Variants in ALPK2 observed in about 807,000 individuals in gnomAD.
ALPK2 encodes alpha-protein kinase 2.
In ALPK2, 127 loss-of-function variants were observed where a neutral mutation model predicts 163.1. The observed-to-expected ratio is 0.78, with a 90% CI of 0.67 to 0.90. The LOEUF (loss-of-function observed/expected upper bound fraction) is 0.90, where lower values mean the gene tolerates loss of function less well. Among genes scored for constraint, ALPK2 ranks in the 40% least tolerant of loss-of-function variants. The pLI, the probability that ALPK2 is intolerant of heterozygous loss-of-function variation, is 0.00. For synonymous variants in ALPK2, 953 were observed against 959.1 expected (o/e 0.99, Z 0.12); for missense variants, 2,360 against 2,589.6 (o/e 0.91, Z 1.92).
chr18:58,485,736 A>G (rs2144094098), intron 12 of ALPK2, among the ~76,000 whole-genome samples: 1 of 152,306 alleles, frequency 6.6e-6, no homozygotes, highest in East Asian at 1.9e-4. Context: ...CTCCCTGGTG[A>G]GACGCAGGGC....
At chr18:58,563,807 A>G (rs2051837020) in intron 4 of ALPK2, among the ~76,000 whole-genome samples, 1 of 152,196 alleles carries the variant, frequency 6.6e-6, no homozygotes, top group Non-Finnish European at 1.5e-5. Flanking sequence ...CCATGCTACA[A>G]TGAAAAGACT....
chr18:58,565,015 T>A (rs898715362), intron 4 of ALPK2, among the ~76,000 whole-genome samples: 1 of 152,228 alleles, frequency 6.6e-6, no homozygotes, highest in African/African-American at 2.4e-5. Flanking sequence ...TATATATGTA[T>A]ATACAAATAA....
At chr18:58,596,989 TA>T (rs1395949710) in intron 3 of ALPK2, among the ~76,000 whole-genome samples, 5 of 149,900 alleles carry the variant, frequency 3.3e-5, no homozygotes, top group South Asian at 2.1e-4. Context: ...CCAAGCTAAT[TA>T]AAAAAAAACA....
chr18:58,540,388 T>G (rs2051683976), intron 4 of ALPK2, among the ~76,000 whole-genome samples: 1 of 152,238 alleles, frequency 6.6e-6, no homozygotes, highest in Admixed American at 6.5e-5. Flanking sequence ...TTATTCCCTT[T>G]CTATATCCCT....
chr18:58,553,055 T>C (rs545914664), intron 4 of ALPK2, among the ~76,000 whole-genome samples: 59 of 151,948 alleles, frequency 3.9e-4, no homozygotes, highest in South Asian at 1.0e-3. Context: ...GAGGCAGAGA[T>C]TGGATTAATG....
intron 1 of ALPK2, among the ~76,000 whole-genome samples, chr18:58,625,429 C>G (rs1005471160): frequency 6.6e-6 from 1 of 152,204 alleles, no homozygotes; most frequent in African/African-American, 2.4e-5. Flanking sequence ...GAACTGCAGG[C>G]CGAAGAAATG....
chr18:58,485,143 C>T (rs73443169), intron 12 of ALPK2, among the ~76,000 whole-genome samples: 6,268 of 152,282 alleles, frequency 0.041, 397 homozygotes, highest in African/African-American at 0.14. Flanking sequence ...AAATTGCACA[C>T]GCATGAAACC....
intron 3 of ALPK2, among the ~76,000 whole-genome samples, chr18:58,606,905 C>T (rs1336413593): frequency 5.3e-5 from 8 of 152,218 alleles, no homozygotes; most frequent in African/African-American, 1.4e-4. Flanking sequence ...GGTTTCTAGC[C>T]TGAACTCCAC....
chr18:58,582,412 C>T (rs148017563), intron 3 of ALPK2, among the ~76,000 whole-genome samples: 48 of 152,232 alleles, frequency 3.2e-4, no homozygotes, highest in African/African-American at 1.1e-3. Flanking sequence ...GATCTCAAAG[C>T]CATTCTGATG....
At chr18:58,552,660 A>T (rs1210234990) in intron 4 of ALPK2, among the ~76,000 whole-genome samples, 6 of 152,218 alleles carry the variant, frequency 3.9e-5, no homozygotes, top group Non-Finnish European at 7.4e-5. Flanking sequence ...CGCCAGACAA[A>T]GTCTCTGTCT....
Position 58,529,127 on chromosome 18 carries a change from G to T in ALPK2, c.5465C>A (p.Thr1822Lys), listed in dbSNP as rs755516510. ...EIHEDSTICW[T>K]KDSKSIAQVQ... is the part of the protein sequence containing the mutation. ...TTGGGCTATGGACTTTGAATCTTTT[G>T]TCCAGCAGATAGTAGAATCTTCATG... The change falls in exon 6 of 13, where the codon ACA becomes AAA. Residue 1822 changes from threonine to lysine, a missense_variant. Coordinates refer to ENST00000361673, the MANE Select transcript of ALPK2 (RefSeq NM_052947.4). The T allele has an allele frequency of 8.7e-6, 14 of 1,613,958 alleles. No individual in the cohort carries two copies. Among genetic ancestry groups the T allele is most frequent in the African/African-American group, 1.3e-5 (1 of 74,914 alleles).
chr18:58,522,932 A>G, intron 8 of ALPK2, among the ~76,000 whole-genome samples: 1 of 150,758 alleles, frequency 6.6e-6, no homozygotes, highest in Non-Finnish European at 1.5e-5. Context: ...TTTTTTTTTA[A>G]TTATACTTTT....
rs2051655423 is a variant in ALPK2, at chr18:58,537,213, ATGT to A, written c.2971_2973del (p.Thr991del). The A allele has an allele frequency of 6.2e-7, 1 of 1,614,140 alleles. No homozygotes were observed. Among genetic ancestry groups the A allele is most frequent in the African/African-American group, 1.3e-5 (1 of 75,048 alleles). ...TGAAAGCACTCATTATTAGCAGTTAATGTTGTTGGCTTCTCCCAAGGAAAACTC... is the reference window on the plus strand; with the variant it reads ...TGAAAGCACTCATTATTAGCAGTTAATGTTGGCTTCTCCCAAGGAAAACTC... On this transcript the variant is annotated inframe_deletion, in exon 5 of 13. Coordinates refer to ENST00000361673, the MANE Select transcript of ALPK2 (RefSeq NM_052947.4).
rs1004103313 is a variant in ALPK2 at position 58,592,569 on chromosome 18, G to A, written c.228-12021C>T. ...TGATGTGGGATTCGCAGGAGGTAGG[G>A]CTGGGGGAGAGGGCCCTGAAGAACT... On this transcript the variant is annotated intron_variant, in intron 3 of 12. Coordinates refer to ENST00000361673, the MANE Select transcript of ALPK2 (RefSeq NM_052947.4). Among the ~76,000 whole-genome samples the A allele has an allele frequency of 2.6e-5, 4 of 152,232 alleles. No homozygotes were observed. In the East Asian group the frequency reaches 7.7e-4, roughly 29 times the overall value.
chr18:58,514,967 A>C lies in ALPK2; in HGVS notation c.6029+26T>G, dbSNP rs1379412520. 4 of 1,585,898 alleles carry C rather than the reference A, an allele frequency of 2.5e-6. No individual in the cohort carries two copies. The African/African-American group carries it at 5.4e-5, about 21-fold the overall frequency. On this transcript the variant is annotated intron_variant, in intron 10 of 12. Transcript: ENST00000361673. ...TAGTCCCCAACGAGTCAGGAGTGTG[A>C]CACAAGGCAGGGTAAACACACTTAC...
At chr18:58,500,453 T>G (rs2051425897) in intron 11 of ALPK2, among the ~76,000 whole-genome samples, 1 of 152,218 alleles carries the variant, frequency 6.6e-6, no homozygotes, top group Non-Finnish European at 1.5e-5. Context: ...AATATAATTT[T>G]TAAAAGAAAA....
intron 1 of ALPK2, among the ~76,000 whole-genome samples, chr18:58,615,377 T>C (rs2052160957): frequency 6.6e-6 from 1 of 151,998 alleles, no homozygotes; most frequent in South Asian, 2.1e-4. Flanking sequence ...CATAGAACTG[T>C]GAACACAATA....
At position 58,529,268 on chromosome 18, in the gene ALPK2, A is replaced by G. The variant is rs2051600076; in HGVS notation, c.5354-30T>C. The G allele has an allele frequency of 2.5e-6, 4 of 1,587,600 alleles. No individual in the cohort carries two copies. In the African/African-American group the frequency reaches 4.1e-5, roughly 16 times the overall value. ...AAACAAGATATTTGAAGGTCAGTGT[A>G]ACAAAAGACTTTCCCATTTCATACC... is the stretch of plus-strand genomic sequence containing the variant. On this transcript the variant is annotated intron_variant, in intron 5 of 12. Transcript: ENST00000361673.
chr18:58,527,396 C>T (rs2051589929), intron 6 of ALPK2, among the ~76,000 whole-genome samples: 1 of 152,202 alleles, frequency 6.6e-6, no homozygotes, highest in Non-Finnish European at 1.5e-5. Flanking sequence ...AAGCCAGACA[C>T]TGTCACCAAG....
Sources: allele counts gnomAD v4.1 joint callset (sites outside exome capture counted in the v4.1 genomes callset), GRCh38; gene constraint gnomAD v4.1.1; transcripts MANE v1.5; gene names NCBI Gene and HGNC (gene_info 2026-07-23, HGNC 2026-07-21).